GPHN: variants seen among roughly 807,000 people sequenced by gnomAD.
The protein encoded by GPHN is gephyrin.
Under a neutral mutation model 95.5 loss-of-function variants are expected in GPHN, and 17 were observed. That is an observed-to-expected ratio of 0.18 (90% confidence interval 0.12 to 0.27). The LOEUF is 0.27. GPHN is among the 10% of genes least tolerant of loss of function. The probability of loss-of-function intolerance (pLI) is 1.00; values close to 1 mark genes in which losing one functional copy is unlikely to be tolerated. For synonymous variants in GPHN, 320 were observed against 322.5 expected, an observed-to-expected ratio of 0.99 and a Z score of 0.08; for missense variants, 660 against 978.1, an observed-to-expected ratio of 0.67 and a Z score of 4.34.
chr14:66,884,140 C>T (rs370682102), intron 5 of GPHN, among the ~76,000 whole-genome samples: 3 of 152,028 alleles, frequency 2.0e-5, no homozygotes, highest in Non-Finnish European at 4.4e-5. Flanking sequence ...TAGACAATAT[C>T]GGCTCCTTTT....
At chr14:66,775,207 A>G (rs1314697778) in intron 2 of GPHN, among the ~76,000 whole-genome samples, 1 of 151,808 alleles carries the variant, frequency 6.6e-6, no homozygotes, top group Non-Finnish European at 1.5e-5. Flanking sequence ...ATTATTTTAC[A>G]TTTGGGAGAG....
intron 13 of GPHN, among the ~76,000 whole-genome samples, chr14:67,101,469 A>C (rs987054386): frequency 2.6e-5 from 4 of 151,806 alleles, no homozygotes; most frequent in Non-Finnish European, 5.9e-5. Flanking sequence ...TAAAGTGGGA[A>C]ATTATTTTAT....
intron 11 of GPHN, among the ~76,000 whole-genome samples, chr14:67,087,986 T>C (rs2076978814): frequency 6.6e-6 from 1 of 152,190 alleles, no homozygotes; most frequent in African/African-American, 2.4e-5. Context: ...TTATTCTTAT[T>C]GGCACTAGTT....
In GPHN at chr14:66,583,517, A is replaced by G. The variant is rs182448376; in HGVS notation, c.64+74926A>G. Among the ~76,000 whole-genome samples, 1,257 of 152,214 alleles carry G rather than the reference A, an allele frequency of 8.3e-3. 14 individuals carry two copies. Among genetic ancestry groups the G allele is most frequent in the African/African-American group, 0.029 (1,187 of 41,530 alleles). ...TTTTTTCTAGGGTTTTTACGGTTTT[A>G]GGTCTAACATGTAAGTCTTTAATCC... On this transcript the variant is annotated intron_variant, in intron 1 of 22. Coordinates refer to ENST00000478722, the MANE Select transcript of GPHN (RefSeq NM_020806.5).
chr14:67,496,405 T>TTTTTTTC, the GPHN span, among the ~76,000 whole-genome samples: 1 of 129,804 alleles, frequency 7.7e-6, no homozygotes, highest in Non-Finnish European at 1.6e-5. Context: ...TTTTTTTTTT[T>TTTTTTTC]TTTTTTTTTT....
the GPHN span, among the ~76,000 whole-genome samples, chr14:67,218,695 G>A: frequency 6.6e-5 from 10 of 152,126 alleles, no homozygotes; most frequent in African/African-American, 1.7e-4. Flanking sequence ...GAGGCACTGC[G>A]GAACAGTTTC....
At position 66,574,517 on chromosome 14, in the gene GPHN, T is replaced by C. The variant is rs140598573; in HGVS notation, c.64+65926T>C. The stretch of plus-strand genomic sequence containing the variant: ...TTTTATATTTTCATATGTTTACATG[T>C]TGCTAGTTAGCATCCTTTACTTTCA... On this transcript the variant is annotated intron_variant, in intron 1 of 22. Transcript: ENST00000478722. Among the ~76,000 whole-genome samples the C allele has an allele frequency of 3.1e-3, 471 of 152,380 alleles. 1 individual carries two copies. The highest frequency in any genetic ancestry group is 0.011 in the African/African-American group (458 of 41,588).
At chr14:67,695,751 G>A in the GPHN span, 8 of 1,551,218 alleles carry the variant, frequency 5.2e-6, no homozygotes, top group South Asian at 5.6e-5. Flanking sequence ...AGCGTTGCTC[G>A]CCGACTATGG....
chr14:67,540,050 T>A, the GPHN span, among the ~76,000 whole-genome samples: 2 of 152,152 alleles, frequency 1.3e-5, no homozygotes, highest in African/African-American at 4.8e-5. Context: ...AGGAGGTGGC[T>A]GGGTTTTCTG....
chr14:67,640,470 A>C, the GPHN span, among the ~76,000 whole-genome samples: 2 of 152,180 alleles, frequency 1.3e-5, no homozygotes, highest in East Asian at 3.8e-4. Context: ...TGTTATGGTC[A>C]CTGCTCCTCA....
chr14:67,122,052 T>C (rs1167158241), intron 16 of GPHN, among the ~76,000 whole-genome samples: 1 of 152,210 alleles, frequency 6.6e-6, no homozygotes. Flanking sequence ...TTTCAGAGTG[T>C]TTTTTGACTT....
At chr14:67,037,662 G>A (rs1292794263) in intron 10 of GPHN, among the ~76,000 whole-genome samples, 1 of 151,264 alleles carries the variant, frequency 6.6e-6, no homozygotes, top group East Asian at 1.9e-4. Context: ...ATAACTCAAA[G>A]AAGATATACA....
intron 3 of GPHN, among the ~76,000 whole-genome samples, chr14:66,805,025 G>T (rs542134641): frequency 3.3e-5 from 5 of 152,260 alleles, no homozygotes; most frequent in African/African-American, 1.2e-4. Context: ...CTCTGTATTA[G>T]TCTGTTTCAC....
the GPHN span, among the ~76,000 whole-genome samples, chr14:67,285,061 A>G: frequency 6.6e-6 from 1 of 152,266 alleles, no homozygotes; most frequent in East Asian, 1.9e-4. Flanking sequence ...TTCCACAGGT[A>G]GATGTACTGG....
At chr14:67,496,714 T>TTTTA in the GPHN span, among the ~76,000 whole-genome samples, 8 of 149,514 alleles carry the variant, frequency 5.4e-5, no homozygotes, top group African/African-American at 2.0e-4. Flanking sequence ...TCCCTTCCCC[T>TTTTA]TTTCTTTCTT....
the GPHN span, among the ~76,000 whole-genome samples, chr14:67,517,392 G>T: frequency 0.4 from 60,220 of 151,840 alleles, 12,934 homozygotes; most frequent in East Asian, 0.48. Context: ...GGTAGGCGCC[G>T]GGCTCAGTGC....
At chr14:67,722,925 A>C in the GPHN span, among the ~76,000 whole-genome samples, 1 of 152,112 alleles carries the variant, frequency 6.6e-6, no homozygotes, top group Non-Finnish European at 1.5e-5. Context: ...TTCTGGCCCC[A>C]CCTGAGCTCT....
intron 1 of GPHN, among the ~76,000 whole-genome samples, chr14:66,578,654 GAAAAA>G (rs574302625): frequency 1.7e-5 from 1 of 59,682 alleles, no homozygotes; most frequent in Non-Finnish European, 3.3e-5. Context: ...GGGATAGAGT[GAAAAA>G]AAAAAAAAAA....
At chr14:67,280,974 A>G in the GPHN span, among the ~76,000 whole-genome samples, 1 of 150,028 alleles carries the variant, frequency 6.7e-6, no homozygotes, top group Admixed American at 6.7e-5. Context: ...TTCGGCTCAC[A>G]GCAATCTCCG....
Sources: gnomAD v4.1 joint callset for allele counts (sites outside exome capture counted in the v4.1 genomes callset) on GRCh38, gnomAD v4.1.1 for gene constraint, MANE v1.5 for transcripts, NCBI Gene and HGNC (gene_info 2026-07-23, HGNC 2026-07-21) for gene names.